Variants in ETF1 observed in about 807,000 individuals in gnomAD.
ETF1 encodes eukaryotic peptide chain release factor subunit 1.
ETF1 carries 4 observed loss-of-function variants against 55.1 expected under a neutral mutation model. The observed-to-expected ratio is 0.07, with a 90% confidence interval of 0.04 to 0.17. ETF1 has a LOEUF of 0.17. Ranked by LOEUF, ETF1 falls within the 10% of genes least tolerant of loss-of-function variation. ETF1 has a pLI of 1.00. For synonymous variants in ETF1, 157 were observed against 182.3 expected (o/e 0.86, Z 1.12); for missense variants, 142 against 523.6 (o/e 0.27, Z 7.11).
At chr5:138,519,666 A>G (rs763896406) in intron 2 of ETF1, among the ~76,000 whole-genome samples, 15 of 133,968 alleles carry the variant, frequency 1.1e-4, no homozygotes, top group African/African-American at 2.8e-4. Flanking sequence ...TAGTCTCGAG[A>G]AAAAAAAAAA....
rs992799413 is a variant in ETF1, at chr5:138,514,340, G to C, written c.403-634C>G. On this transcript the variant is annotated intron_variant, in intron 4 of 10. Coordinates refer to ENST00000360541, the MANE Select transcript of ETF1 (RefSeq NM_004730.4). ...AGGCTGTGGCAGGCAGATGGCTTGA[G>C]CTCAGGAGTTTGAGACTGGCCTGGG... 2.0e-5 allele frequency among the ~76,000 whole-genome samples: 3 copies of C among 152,144 alleles called. No homozygotes were observed. In the South Asian group the frequency reaches 6.2e-4, roughly 32 times the overall value.
chr5:138,518,618 G>C lies in ETF1; in HGVS notation c.262+74C>G, dbSNP rs1765116935. ...ACTTAAGGGAACATTAGTGAACAAA[G>C]CACCATAGCAGCATCACAGTATAAA... is the stretch of plus-strand genomic sequence containing the variant. On this transcript the variant is annotated intron_variant, in intron 3 of 10. Coordinates refer to ENST00000360541, the MANE Select transcript of ETF1 (RefSeq NM_004730.4). The C allele has an allele frequency of 5.6e-6, 7 of 1,259,048 alleles. No individual in the cohort carries two copies. In the Admixed American group the frequency reaches 1.4e-4, roughly 25 times the overall value. 78.0% of individuals were successfully genotyped at this position (1,259,048 alleles called of 1,614,324 possible).
At chr5:138,524,682 A>G (rs992349034) in intron 2 of ETF1, among the ~76,000 whole-genome samples, 2 of 150,902 alleles carry the variant, frequency 1.3e-5, no homozygotes, top group African/African-American at 2.4e-5. Context: ...GGTTCAAGCA[A>G]TTCTCCTGCC....
intron 2 of ETF1, among the ~76,000 whole-genome samples, chr5:138,542,035 C>A (rs1446851129): frequency 6.6e-6 from 1 of 152,122 alleles, no homozygotes; most frequent in South Asian, 2.1e-4. Context: ...GCACATCAGG[C>A]GCCTCTCTAC....
rs146984202 is a variant in ETF1 at position 138,513,164 on chromosome 5, G to A, written c.542-210C>T. 7.3e-5 allele frequency: 72 copies of A among 985,236 alleles called. No individual in the cohort carries two copies. In the African/African-American group the frequency reaches 1.2e-3, roughly 16 times the overall value. The allele number at this position is 985,236 out of a possible 1,614,324, so 61.0% of individuals were successfully genotyped here. A position where few individuals can be genotyped will look rare whatever the true frequency, so the allele number is the denominator to read the frequency against. Reference sequence around the variant, plus strand: ...AGAGAGGAGCTGTAAGTACCAATGAGGCACCAGTCATTACAGGAGGCTTCT... The same window carrying A: ...AGAGAGGAGCTGTAAGTACCAATGAAGCACCAGTCATTACAGGAGGCTTCT... On this transcript the variant is annotated intron_variant, in intron 5 of 10. Transcript: ENST00000360541.
intron 2 of ETF1, among the ~76,000 whole-genome samples, chr5:138,525,888 G>C (rs1365597560): frequency 2.0e-5 from 3 of 148,620 alleles, no homozygotes; most frequent in Non-Finnish European, 4.4e-5. Flanking sequence ...AGAGGTTGCA[G>C]TGAGCAGAGA....
chr5:138,535,902 A>C (rs1337044724), intron 2 of ETF1, among the ~76,000 whole-genome samples: 6 of 147,138 alleles, frequency 4.1e-5, no homozygotes, highest in East Asian at 2.0e-4. Context: ...AAAAAAAAAG[A>C]CCTTAATCAT....
In ETF1 at chr5:138,541,539, A is replaced by G. The variant is rs763318994; in HGVS notation, c.86+1294T>C. ...CCAACCTGTGAATTGGGCCTTCAGT[A>G]CAATTAAGCACATCCTGTTTCATAT... On this transcript the variant is annotated intron_variant, in intron 2 of 10. Transcript: ENST00000360541. 9.1e-6 allele frequency: 14 copies of G among 1,534,590 alleles called. No homozygotes were observed. The South Asian group carries it at 1.2e-4, about 13-fold the overall frequency.
At chr5:138,515,776 A>G (rs1236378693) in intron 4 of ETF1, among the ~76,000 whole-genome samples, 2 of 152,266 alleles carry the variant, frequency 1.3e-5, no homozygotes, top group East Asian at 3.8e-4. Context: ...TCATCCAACC[A>G]GATACAGGTA....
chr5:138,542,133 C>G (rs1431959836), intron 2 of ETF1, among the ~76,000 whole-genome samples: 1 of 152,152 alleles, frequency 6.6e-6, no homozygotes, highest in East Asian at 1.9e-4. Flanking sequence ...CCGTATTTCT[C>G]CTGGACATAC....
At chr5:138,512,229 T>A (rs867054035) in intron 6 of ETF1, among the ~76,000 whole-genome samples, 4,156 of 16,676 alleles carry the variant, frequency 0.25, 302 homozygotes, top group Non-Finnish European at 0.28. Context: ...AAAAAAAATA[T>A]ATATATATAT....
chr5:138,515,265 A>C (rs1021729804), intron 4 of ETF1, among the ~76,000 whole-genome samples: 1 of 152,176 alleles, frequency 6.6e-6, no homozygotes, highest in Non-Finnish European at 1.5e-5. Context: ...CATCTACTAA[A>C]AATACAAAAA....
intron 2 of ETF1, among the ~76,000 whole-genome samples, chr5:138,539,280 T>C (rs1766077259): frequency 1.3e-5 from 2 of 152,184 alleles, no homozygotes; most frequent in Admixed American, 1.3e-4. Flanking sequence ...CTTAAAACTA[T>C]AAGGTGTCCA....
At chr5:138,514,769 C>T (rs1181601266) in intron 4 of ETF1, among the ~76,000 whole-genome samples, 1 of 151,972 alleles carries the variant, frequency 6.6e-6, no homozygotes, top group Non-Finnish European at 1.5e-5. Context: ...ATGAGGAAAA[C>T]CTTCCTTCTA....
Position 138,512,256 on chromosome 5 carries a change from ATATTTTTTTTTTT to A in ETF1, c.732+495_732+507del, listed in dbSNP as rs1252173896. Among the ~76,000 whole-genome samples the A allele has an allele frequency of 3.2e-4, 6 of 18,884 alleles. 1 individual carries two copies. The East Asian group carries it at 0.029, about 92-fold the overall frequency. 12.4% of individuals were successfully genotyped at this position (18,884 alleles called of 152,430 possible). A position where few individuals can be genotyped will look rare whatever the true frequency, so the allele number is the denominator to read the frequency against. ...TATATATATATATATATATATATAT[ATATTTTTTTTTTT>A]TTTTAAAGGCAATTTCTTTGGTGGA... On this transcript the variant is annotated intron_variant, in intron 6 of 10. Coordinates refer to ENST00000360541, the MANE Select transcript of ETF1 (RefSeq NM_004730.4).
chr5:138,535,522 C>T (rs993040536), intron 2 of ETF1, among the ~76,000 whole-genome samples: 1 of 151,734 alleles, frequency 6.6e-6, no homozygotes, highest in African/African-American at 2.4e-5. Flanking sequence ...GAGTTCGAGA[C>T]CAGCTTTGCC....
chr5:138,515,950 C>T (rs1362540399), intron 4 of ETF1, among the ~76,000 whole-genome samples: 5 of 152,176 alleles, frequency 3.3e-5, no homozygotes, highest in Non-Finnish European at 7.4e-5. Context: ...AAACTGTCGA[C>T]AAATGTCAGT....
In ETF1 at chr5:138,514,026, C is replaced by A. The variant is rs188886559; in HGVS notation, c.403-320G>T. ...ATATTACATACAGCAGTTAATACTACTCAATCTCAAAAAGGAAGAAAATTT... is the reference window on the plus strand; with the variant it reads ...ATATTACATACAGCAGTTAATACTAATCAATCTCAAAAAGGAAGAAAATTT... On this transcript the variant is annotated intron_variant, in intron 4 of 10. Coordinates refer to ENST00000360541, the MANE Select transcript of ETF1 (RefSeq NM_004730.4). The A allele has an allele frequency of 1.4e-4, 78 of 566,822 alleles. No individual in the cohort carries two copies. In the East Asian group the frequency reaches 7.7e-3, roughly 56 times the overall value. The allele number at this position is 566,822 out of a possible 1,614,324, so 35.1% of individuals were successfully genotyped here. A position where few individuals can be genotyped will look rare whatever the true frequency, so the allele number is the denominator to read the frequency against.
In ETF1 at chr5:138,508,787, G is replaced by A. The variant is rs1345049596; in HGVS notation, c.1113C>T (p.Ser371=). 33 of 1,613,988 alleles carry A rather than the reference G, an allele frequency of 2.0e-5. No individual in the cohort carries two copies. Among genetic ancestry groups the A allele is most frequent in the Non-Finnish European group, 2.8e-5 (33 of 1,179,978 alleles). The change falls in exon 10 of 11, where the codon AGC becomes AGT. Residue 371 remains serine, a synonymous_variant. Transcript: ENST00000360541. ...TAGCAAACCATTCCAACAGGGGCAT[G>A]CTCTCGATAAGCTCATGTTCCTGTC... ...ETGQEHELIE[S]MPLLEWFANN... is the part of the protein sequence containing the mutation.
Sources: gnomAD v4.1 joint callset for allele counts (sites outside exome capture counted in the v4.1 genomes callset) on GRCh38, gnomAD v4.1.1 for gene constraint, MANE v1.5 for transcripts, NCBI Gene and HGNC (gene_info 2026-07-23, HGNC 2026-07-21) for gene names.